KHDRBS2: variants seen among roughly 807,000 people sequenced by gnomAD.
KHDRBS2 encodes the protein KH domain-containing, RNA-binding, signal transduction-associated protein 2.
A neutral mutation model predicts 44.3 loss-of-function variants in KHDRBS2; 26 were observed. The observed-to-expected ratio is 0.59, with a 90% CI of 0.43 to 0.81. KHDRBS2 has a LOEUF of 0.81. KHDRBS2 is among the 40% of genes least tolerant of loss of function. The probability of loss-of-function intolerance (pLI) is 0.00; values close to 1 mark genes in which losing one functional copy is unlikely to be tolerated. For synonymous variants in KHDRBS2, 194 were observed against 151.1 expected, an observed-to-expected ratio of 1.28 and a Z score of -2.08; for missense variants, 476 against 433.1, an observed-to-expected ratio of 1.10 and a Z score of -0.88.
At chr6:61,757,053 T>C (rs796241261) in intron 6 of KHDRBS2, among the ~76,000 whole-genome samples, 8 of 152,330 alleles carry the variant, frequency 5.3e-5, no homozygotes, top group African/African-American at 1.9e-4. Context: ...TCCAAGTCTA[T>C]TTTATATTGC....
rs1384456582 is a variant in KHDRBS2 at position 62,271,485 on chromosome 6, GCTC to G, written c.91+14370_91+14372del. 4.6e-5 allele frequency among the ~76,000 whole-genome samples: 7 copies of G among 152,126 alleles called. No homozygotes were observed. In the East Asian group the frequency reaches 1.2e-3, roughly 25 times the overall value. On this transcript the variant is annotated intron_variant, in intron 1 of 8. Coordinates refer to ENST00000281156, the MANE Select transcript of KHDRBS2 (RefSeq NM_152688.4). ...ACTTTTTACTGTTATTTTAGAATAT[GCTC>G]CTCAACTTACATATTTTAAAAATTA...
At chr6:61,553,430 A>G in the KHDRBS2 span, among the ~76,000 whole-genome samples, 1 of 150,960 alleles carries the variant, frequency 6.6e-6, no homozygotes, top group Admixed American at 6.6e-5. Context: ...TGTCTATCCT[A>G]TTTATTTCTT....
At chr6:62,112,801 T>C (rs1805310943) in intron 2 of KHDRBS2, among the ~76,000 whole-genome samples, 1 of 152,146 alleles carries the variant, frequency 6.6e-6, no homozygotes, top group African/African-American at 2.4e-5. Flanking sequence ...TGGTGCGATA[T>C]AATATTGTTA....
chr6:61,544,021 T>A, the KHDRBS2 span, among the ~76,000 whole-genome samples: 4 of 152,024 alleles, frequency 2.6e-5, no homozygotes, highest in African/African-American at 9.7e-5. Flanking sequence ...TTGGAAACAA[T>A]GAATTAGATC....
chr6:61,561,563 T>A, the KHDRBS2 span, among the ~76,000 whole-genome samples: 1 of 152,092 alleles, frequency 6.6e-6, no homozygotes, highest in Admixed American at 6.5e-5. Context: ...AACCACAAGA[T>A]GAATTTCTTC....
intron 2 of KHDRBS2, among the ~76,000 whole-genome samples, chr6:62,057,831 A>G (rs1473744024): frequency 6.6e-6 from 1 of 151,956 alleles, no homozygotes; most frequent in East Asian, 1.9e-4. Flanking sequence ...GTTTTGTAAT[A>G]ACATGTCTAT....
At chr6:62,113,138 A>AT (rs1805407552) in intron 2 of KHDRBS2, among the ~76,000 whole-genome samples, 1 of 152,110 alleles carries the variant, frequency 6.6e-6, no homozygotes, top group Admixed American at 6.6e-5. Flanking sequence ...CTGTGTCACT[A>AT]TAAGAGCCAC....
intron 7 of KHDRBS2, among the ~76,000 whole-genome samples, chr6:61,714,065 G>T (rs1770978066): frequency 6.6e-6 from 1 of 151,736 alleles, no homozygotes; most frequent in Non-Finnish European, 1.5e-5. Context: ...AAATTAGAAA[G>T]CTTCTGCACA....
At chr6:61,706,590 C>T (rs906886892) in intron 7 of KHDRBS2, among the ~76,000 whole-genome samples, 1 of 151,646 alleles carries the variant, frequency 6.6e-6, no homozygotes, top group Non-Finnish European at 1.5e-5. Context: ...AAAGCCTTTG[C>T]CTTCTATTTA....
At chr6:62,167,116 C>T (rs1818861909) in intron 2 of KHDRBS2, among the ~76,000 whole-genome samples, 1 of 151,942 alleles carries the variant, frequency 6.6e-6, no homozygotes, top group Admixed American at 6.6e-5. Flanking sequence ...AAGCAACCCT[C>T]CCAAATAAGG....
chr6:62,093,039 G>T (rs1799771184), intron 2 of KHDRBS2, among the ~76,000 whole-genome samples: 1 of 151,838 alleles, frequency 6.6e-6, no homozygotes, highest in Non-Finnish European at 1.5e-5. Context: ...TACTTATTTT[G>T]TGTATCTTTA....
chr6:61,853,196 G>A (rs1795701232), intron 6 of KHDRBS2, among the ~76,000 whole-genome samples: 1 of 151,980 alleles, frequency 6.6e-6, no homozygotes, highest in South Asian at 2.1e-4. Context: ...CTGCTTCTTG[G>A]GCATTATGTG....
intron 4 of KHDRBS2, among the ~76,000 whole-genome samples, chr6:61,931,403 T>G (rs1810017261): frequency 6.6e-6 from 1 of 151,908 alleles, no homozygotes; most frequent in South Asian, 2.1e-4. Context: ...ATGTTGGACT[T>G]AAAAACTATA....
intron 6 of KHDRBS2, among the ~76,000 whole-genome samples, chr6:61,792,615 C>T (rs1784787849): frequency 6.6e-6 from 1 of 151,462 alleles, no homozygotes; most frequent in South Asian, 2.1e-4. Context: ...AATATCATTC[C>T]TCTCACCTTA....
chr6:61,672,752 TG>T, the KHDRBS2 span, among the ~76,000 whole-genome samples: 1 of 151,366 alleles, frequency 6.6e-6, no homozygotes, highest in Admixed American at 6.6e-5. Flanking sequence ...ATTAGCCCTT[TG>T]TCAGATGAGT....
the KHDRBS2 span, among the ~76,000 whole-genome samples, chr6:61,600,833 T>G: frequency 6.2e-3 from 945 of 152,234 alleles, 9 homozygotes; most frequent in African/African-American, 0.022. Context: ...TCCCACAACC[T>G]CTTTCTCCTT....
chr6:61,688,717 C>CT (rs1410911600), intron 8 of KHDRBS2, among the ~76,000 whole-genome samples: 2 of 151,954 alleles, frequency 1.3e-5, no homozygotes, highest in Non-Finnish European at 2.9e-5. Flanking sequence ...ATGACCTACT[C>CT]TAAGTGCAAG....
chr6:61,596,186 T>C, the KHDRBS2 span, among the ~76,000 whole-genome samples: 2 of 152,092 alleles, frequency 1.3e-5, no homozygotes, highest in African/African-American at 2.4e-5. Flanking sequence ...TGTGCAAGGC[T>C]TCAGGGGAGC....
At chr6:61,976,931 T>G (rs528460391) in intron 4 of KHDRBS2, among the ~76,000 whole-genome samples, 1 of 152,306 alleles carries the variant, frequency 6.6e-6, no homozygotes, top group South Asian at 2.1e-4. Context: ...GAGCATCAGA[T>G]AATAAATTGT....
Sources: gnomAD v4.1 joint callset for allele counts (sites outside exome capture counted in the v4.1 genomes callset) on GRCh38, gnomAD v4.1.1 for gene constraint, MANE v1.5 for transcripts, NCBI Gene and HGNC (gene_info 2026-07-23, HGNC 2026-07-21) for gene names.